The following PHACTR1 variants were observed in gnomAD, a reference collection of about 807,000 sequenced individuals.
The protein encoded by PHACTR1 is RPEL repeat containing 1.
In PHACTR1, 16 loss-of-function variants were observed where a neutral mutation model predicts 69.2. That is an observed-to-expected ratio of 0.23 (90% CI 0.16 to 0.35). The LOEUF (loss-of-function observed/expected upper bound fraction) is 0.35, where lower values mean the gene tolerates loss of function less well. PHACTR1 is among the 10% of genes least tolerant of loss of function. The probability of loss-of-function intolerance (pLI) is 1.00; values close to 1 mark genes in which losing one functional copy is unlikely to be tolerated. For synonymous variants in PHACTR1, 312 were observed against 284.5 expected, an observed-to-expected ratio of 1.10 and a Z score of -0.97; for missense variants, 510 against 734.7, an observed-to-expected ratio of 0.69 and a Z score of 3.54.
chr6:13,283,606 G>A lies in PHACTR1; in HGVS notation c.1650+44G>A, dbSNP rs773062285. ...TGGAGAGTGGGAGGCAGGACCGTCT[G>A]CTGGGTCTCGCTGGGCTCACCGCTG... On this transcript the variant is annotated intron_variant, in intron 13 of 14. Transcript: ENST00000332995. This position sits in a 1 kb window ranked among gnomAD's most constrained non-coding sequence, Gnocchi z 4.7. 1.2e-6 allele frequency: 2 copies of A among 1,612,884 alleles called. No individual in the cohort carries two copies. Among genetic ancestry groups the A allele is most frequent in the African/African-American group, 1.3e-5 (1 of 75,042 alleles).
Position 13,144,687 on chromosome 6 carries a change from G to A in PHACTR1, c.416-15517G>A, listed in dbSNP as rs1274629461. Among the ~76,000 whole-genome samples, 6 of 150,156 alleles carry A rather than the reference G, an allele frequency of 4.0e-5. No homozygotes were observed. In the East Asian group the frequency reaches 1.2e-3, roughly 29 times the overall value. On this transcript the variant is annotated intron_variant, in intron 5 of 14. Coordinates refer to ENST00000332995, the MANE Select transcript of PHACTR1 (RefSeq NM_030948.6). ...AGGCTGAGGTGGGAAGATTGCCTGA[G>A]CCCGGGAAGTGGAGGCTGCAGTGAG...
intron 4 of PHACTR1, among the ~76,000 whole-genome samples, chr6:12,762,007 C>T (rs1768080570): frequency 6.6e-6 from 1 of 152,218 alleles, no homozygotes; most frequent in South Asian, 2.1e-4. Context: ...CTGCTCATGA[C>T]CCTGGCTGTA....
rs1562119944 is a variant in PHACTR1 at position 13,003,964 on chromosome 6, TGTATATATATATATACAC to T, written c.251-49400_251-49383del. ...TCAGTAGTATTCCTATATATATATA[TGTATATATATATATACAC>T]ATATATATATATCACATTTTCTTTA... is the stretch of plus-strand genomic sequence containing the variant. On this transcript the variant is annotated intron_variant, in intron 4 of 14. Coordinates refer to ENST00000332995, the MANE Select transcript of PHACTR1 (RefSeq NM_030948.6). 2.9e-5 allele frequency among the ~76,000 whole-genome samples: 3 copies of T among 102,150 alleles called. 1 individual carries two copies. The highest frequency in any genetic ancestry group is 2.1e-4 in the East Asian group (1 of 4,842). 67.0% of individuals were successfully genotyped at this position (102,150 alleles called of 152,430 possible).
intron 4 of PHACTR1, among the ~76,000 whole-genome samples, chr6:12,878,554 A>G (rs887367744): frequency 6.6e-6 from 1 of 152,174 alleles, no homozygotes; most frequent in Non-Finnish European, 1.5e-5. Flanking sequence ...TTACAGGGGA[A>G]CCCCAGCTAG....
At chr6:12,915,521 GAA>G (rs1047244375) in intron 4 of PHACTR1, among the ~76,000 whole-genome samples, 2 of 120,290 alleles carry the variant, frequency 1.7e-5, no homozygotes, top group Admixed American at 8.7e-5. Context: ...AAAAAAAAAA[GAA>G]AAAAAAAAAA....
chr6:13,042,397 AT>A (rs1238825587), intron 4 of PHACTR1, among the ~76,000 whole-genome samples: 2 of 152,136 alleles, frequency 1.3e-5, no homozygotes, highest in Non-Finnish European at 2.9e-5. Context: ...AAGGCAATGG[AT>A]ATAGTTGGGA....
intron 4 of PHACTR1, among the ~76,000 whole-genome samples, chr6:12,850,999 C>T (rs1472932803): frequency 6.6e-6 from 1 of 152,174 alleles, no homozygotes; most frequent in Non-Finnish European, 1.5e-5. Context: ...CATAATTAAA[C>T]CCATAACTAT....
At chr6:13,280,924 C>A (rs1426486669) in intron 12 of PHACTR1, 1 of 1,282,628 alleles carries the variant, frequency 7.8e-7, no homozygotes, top group South Asian at 1.2e-5. Context: ...GGGACATGAG[C>A]CCATGCACAC....
At chr6:12,989,605 A>T (rs573299834) in intron 4 of PHACTR1, among the ~76,000 whole-genome samples, 1 of 152,328 alleles carries the variant, frequency 6.6e-6, no homozygotes, top group East Asian at 1.9e-4. Context: ...CACTGCCTGT[A>T]GGATATCCAA....
chr6:12,845,429 A>ACCCCCCCCC (rs1214194071), intron 4 of PHACTR1, among the ~76,000 whole-genome samples: 3 of 18,028 alleles, frequency 1.7e-4, no homozygotes, highest in South Asian at 3.5e-3. Flanking sequence ...AACACCACCC[A>ACCCCCCCCC]CCCCCCCCCC....
intron 10 of PHACTR1, among the ~76,000 whole-genome samples, chr6:13,268,612 A>G (rs376589962): frequency 2.6e-4 from 39 of 152,348 alleles, no homozygotes; most frequent in East Asian, 9.6e-4. Context: ...TGCAGAGAAA[A>G]GAGCATAGGC....
chr6:13,044,248 T>G (rs1222481539), intron 4 of PHACTR1, among the ~76,000 whole-genome samples: 1 of 152,216 alleles, frequency 6.6e-6, no homozygotes, highest in Admixed American at 6.5e-5. Flanking sequence ...AAATATGAAG[T>G]ATTTGACATA....
At chr6:13,112,619 C>T (rs967537562) in intron 5 of PHACTR1, among the ~76,000 whole-genome samples, 2 of 152,150 alleles carry the variant, frequency 1.3e-5, no homozygotes, top group African/African-American at 2.4e-5. Context: ...TTGCATTTCT[C>T]TAATGATCAG....
intron 10 of PHACTR1, among the ~76,000 whole-genome samples, chr6:13,262,377 C>G (rs528508356): frequency 6.6e-6 from 1 of 152,092 alleles, no homozygotes; most frequent in Non-Finnish European, 1.5e-5. Context: ...GAGTACAAGA[C>G]AGCAGTTAGA....
chr6:13,220,374 A>G (rs1002818268), intron 8 of PHACTR1, among the ~76,000 whole-genome samples: 3 of 152,228 alleles, frequency 2.0e-5, no homozygotes, highest in African/African-American at 7.2e-5. Flanking sequence ...CCCTTGGAAA[A>G]TAATTTAAGG....
chr6:13,059,489 C>G (rs1290004551), intron 5 of PHACTR1, among the ~76,000 whole-genome samples: 1 of 148,594 alleles, frequency 6.7e-6, no homozygotes, highest in Non-Finnish European at 1.5e-5. Context: ...CACACACACA[C>G]ACACAAAACC....
In PHACTR1 at chr6:13,053,349, T is replaced by C; in HGVS notation, c.251-16T>C. On this transcript the variant is annotated splice_polypyrimidine_tract_variant and intron_variant, in intron 4 of 14. Coordinates refer to ENST00000332995, the MANE Select transcript of PHACTR1 (RefSeq NM_030948.6). ...TTTTCTCTCTTTGTTTTCATCTCTT[T>C]CTTGGAAATAACAAGCTGAGGAAGT... 1 of 1,584,946 alleles carries C rather than the reference T, an allele frequency of 6.3e-7. No homozygotes were observed. Among genetic ancestry groups the C allele is most frequent in the Non-Finnish European group, 8.6e-7 (1 of 1,165,590 alleles).
intron 4 of PHACTR1, among the ~76,000 whole-genome samples, chr6:12,994,064 A>AT (rs751841411): frequency 3.2e-4 from 49 of 152,290 alleles, no homozygotes; most frequent in Non-Finnish European, 6.3e-4. Context: ...CACAGTGAAA[A>AT]AGAAACCACT....
intron 4 of PHACTR1, among the ~76,000 whole-genome samples, chr6:12,973,989 T>G (rs1170474403): frequency 1.4e-5 from 2 of 141,990 alleles, no homozygotes; most frequent in East Asian, 4.3e-4. Context: ...TGGCACGATC[T>G]CAGCTCGCTG....
Sources: allele counts gnomAD v4.1 joint callset (sites outside exome capture counted in the v4.1 genomes callset), GRCh38; gene constraint gnomAD v4.1.1; non-coding constraint Gnocchi (gnomAD v3.1); transcripts MANE v1.5; gene names NCBI Gene and HGNC (gene_info 2026-07-23, HGNC 2026-07-21).